BCL7C: variants seen among roughly 807,000 people sequenced by gnomAD.
BCL7C encodes BAF chromatin remodeling complex subunit BCL7C.
Under a neutral mutation model 26.2 loss-of-function variants are expected in BCL7C, and 8 were observed. That is an observed-to-expected ratio of 0.30 (90% confidence interval 0.18 to 0.55). The LOEUF is 0.55. Ranked by LOEUF, BCL7C falls within the 20% of genes least tolerant of loss-of-function variation. BCL7C has a pLI of 0.93. For synonymous variants in BCL7C, 90 were observed against 116.5 expected (o/e 0.77, Z 1.47); for missense variants, 262 against 298.5 (o/e 0.88, Z 0.90).
At position 30,874,486 on chromosome 16, in the gene BCL7C, G is replaced by T. The variant is rs986856251; in HGVS notation, c.528+14374C>A. Reference sequence around the variant, plus strand: ...AGAAAAATTAGCCGGGCGTGGTGGCGCGTGTTTGTAGTCCCAGACACTCCT... The same window carrying T: ...AGAAAAATTAGCCGGGCGTGGTGGCTCGTGTTTGTAGTCCCAGACACTCCT... On this transcript the variant is annotated intron_variant, in intron 5 of 5. Coordinates refer to the BCL7C transcript ENST00000380317. 4.6e-5 allele frequency among the ~76,000 whole-genome samples: 7 copies of T among 152,028 alleles called. No homozygotes were observed. In the East Asian group the frequency reaches 5.8e-4, roughly 13 times the overall value.
downstream of BCL7C, chr16:30,887,651 GCCC>G: frequency 1.4e-6 from 1 of 708,880 alleles, no homozygotes; most frequent in Non-Finnish European, 2.1e-6. Flanking sequence ...CCTGGCTCAA[GCCC>G]CCACCCCACT....
intron 5 of BCL7C, among the ~76,000 whole-genome samples, chr16:30,839,722 A>G (rs1256800269): frequency 1.3e-5 from 2 of 152,244 alleles, no homozygotes; most frequent in African/African-American, 4.8e-5. Context: ...TCTTCAAAGC[A>G]TCTGGATAAG....
chr16:30,839,822 G>C (rs1261068953), intron 5 of BCL7C, among the ~76,000 whole-genome samples: 1 of 152,232 alleles, frequency 6.6e-6, no homozygotes, highest in Non-Finnish European at 1.5e-5. Flanking sequence ...AGGGAACTGT[G>C]AGATAATAAT....
intron 5 of BCL7C, among the ~76,000 whole-genome samples, chr16:30,847,387 T>TA (rs2054642493): frequency 4.6e-5 from 7 of 152,202 alleles, no homozygotes; most frequent in Non-Finnish European, 8.8e-5. Context: ...AGACTCACTT[T>TA]CCTGTCTGAA....
chr16:30,845,832 C>T (rs917572277), intron 5 of BCL7C, among the ~76,000 whole-genome samples: 8 of 151,654 alleles, frequency 5.3e-5, no homozygotes, highest in African/African-American at 1.9e-4. Flanking sequence ...TTCAGCTGGG[C>T]GCAGTGGCTC....
intron 5 of BCL7C, among the ~76,000 whole-genome samples, chr16:30,868,879 T>A (rs937400483): frequency 6.6e-6 from 1 of 151,964 alleles, no homozygotes; most frequent in African/African-American, 2.4e-5. Flanking sequence ...TTAAAAAAAA[T>A]TGGCCTGTTA....
In BCL7C at chr16:30,877,011, A is replaced by G. The variant is rs549588491; in HGVS notation, c.528+11849T>C. 2.0e-5 allele frequency among the ~76,000 whole-genome samples: 3 copies of G among 152,284 alleles called. No homozygotes were observed. In the South Asian group the frequency reaches 6.2e-4, roughly 32 times the overall value. On this transcript the variant is annotated intron_variant, in intron 5 of 5. Coordinates refer to the BCL7C transcript ENST00000380317. Reference sequence around the variant, plus strand: ...GAGGTGGAGAAGGTGAGCAGAGGCCAAGGCTGGGAGGCCTGAAATGCCTGG... The same window carrying G: ...GAGGTGGAGAAGGTGAGCAGAGGCCGAGGCTGGGAGGCCTGAAATGCCTGG...
downstream of BCL7C, among the ~76,000 whole-genome samples, chr16:30,885,784 A>C (rs183680217): frequency 3.8e-4 from 58 of 152,298 alleles, no homozygotes; most frequent in Admixed American, 3.7e-3. Flanking sequence ...CATTGCAGCA[A>C]GCCTGGCTTC....
chr16:30,888,981 C>T, intron 4 of BCL7C, 36 bp from the exon 5 acceptor site: 1 of 1,590,606 alleles, frequency 6.3e-7, no homozygotes, highest in Middle Eastern at 1.7e-4. Flanking sequence ...CCCTGAACAG[C>T]CACTCTGTGC....
intron 4 of BCL7C, 66 bp from the exon 5 acceptor site, chr16:30,889,011 G>T (rs146577588): frequency 6.8e-7 from 1 of 1,469,460 alleles, no homozygotes; most frequent in Middle Eastern, 1.7e-4. Flanking sequence ...AGACAGTGGG[G>T]GAAACAGATG....
chr16:30,859,183 T>C (rs1448260299), intron 5 of BCL7C, among the ~76,000 whole-genome samples: 1 of 152,142 alleles, frequency 6.6e-6, no homozygotes, highest in Non-Finnish European at 1.5e-5. Flanking sequence ...TTCACGATAA[T>C]GACAGATGAA....
rs145254532 is a variant in BCL7C at position 30,870,684 on chromosome 16, T to A, written c.528+18176A>T. Among the ~76,000 whole-genome samples, 746 of 151,270 alleles carry A rather than the reference T, an allele frequency of 4.9e-3. 2 individuals carry two copies. The highest frequency in any genetic ancestry group is 0.017 in the African/African-American group (681 of 40,884). Reference sequence around the variant, plus strand: ...CCCCCACCAAAAAATAAAATAAAATTAAATAAATAAATAAATAAACTGGGG... The same window carrying A: ...CCCCCACCAAAAAATAAAATAAAATAAAATAAATAAATAAATAAACTGGGG... On this transcript the variant is annotated intron_variant, in intron 5 of 5. Coordinates refer to the BCL7C transcript ENST00000380317.
chr16:30,836,485 T>C (rs1372733844), intron 5 of BCL7C, among the ~76,000 whole-genome samples: 1 of 150,874 alleles, frequency 6.6e-6, no homozygotes, highest in Non-Finnish European at 1.5e-5. Context: ...TTTTTTTTTT[T>C]TTTTTTTGAG....
chr16:30,888,217 G>A (rs1009909157), intron 5 of BCL7C, among the ~76,000 whole-genome samples: 1 of 152,214 alleles, frequency 6.6e-6, no homozygotes, highest in Non-Finnish European at 1.5e-5. Flanking sequence ...ATGCCTCGAG[G>A]TAGCCTCGTG....
intron 5 of BCL7C, among the ~76,000 whole-genome samples, chr16:30,859,935 T>C (rs1455636239): frequency 1.3e-5 from 2 of 152,234 alleles, no homozygotes; most frequent in African/African-American, 4.8e-5. Flanking sequence ...CCCCTGTCCT[T>C]GCCCTCACTC....
At chr16:30,879,105 G>GC (rs2054999711) in intron 5 of BCL7C, among the ~76,000 whole-genome samples, 1 of 152,170 alleles carries the variant, frequency 6.6e-6, no homozygotes, top group African/African-American at 2.4e-5. Context: ...TCCTGCTAGG[G>GC]TGATGGTGAT....
At chr16:30,890,498 A>T (rs1290242597) in intron 4 of BCL7C, among the ~76,000 whole-genome samples, 1 of 151,880 alleles carries the variant, frequency 6.6e-6, no homozygotes, top group East Asian at 1.9e-4. Context: ...ATAAATAGGG[A>T]TCATAACAAG....
At chr16:30,842,632 G>A (rs982421212) in intron 5 of BCL7C, among the ~76,000 whole-genome samples, 2 of 152,116 alleles carry the variant, frequency 1.3e-5, no homozygotes, top group Non-Finnish European at 2.9e-5. Context: ...GCAGTGGTGC[G>A]ATCTCAGCTC....
chr16:30,850,091 T>C (rs1311287366), intron 5 of BCL7C, among the ~76,000 whole-genome samples: 2 of 151,282 alleles, frequency 1.3e-5, no homozygotes, highest in African/African-American at 4.9e-5. Context: ...GCACCTGTAG[T>C]CCCAGCTACT....
Sources: allele counts gnomAD v4.1 joint callset (sites outside exome capture counted in the v4.1 genomes callset), GRCh38; gene constraint gnomAD v4.1.1; transcripts MANE v1.5; gene names NCBI Gene and HGNC (gene_info 2026-07-23, HGNC 2026-07-21).